The following ANKRD66 variants were observed in gnomAD, a reference collection of about 807,000 sequenced individuals.
ANKRD66 encodes the protein ankyrin repeat domain 66.
In ANKRD66, 10 loss-of-function variants were observed where a neutral mutation model predicts 10.9. The observed-to-expected ratio is 0.91, with a 90% CI of 0.56 to 1.55. The LOEUF (loss-of-function observed/expected upper bound fraction) is 1.55. ANKRD66 is among the 40% of genes most tolerant of loss of function. ANKRD66 has a pLI of 0.00. For synonymous variants in ANKRD66, 85 were observed against 88.4 expected (o/e 0.96, Z 0.22); for missense variants, 252 against 242.9 (o/e 1.04, Z -0.25).
intron 3 of ANKRD66, 89 bp from the exon 4 acceptor site, chr6:46,753,633 C>T (rs1246865191): frequency 1.6e-5 from 21 of 1,284,768 alleles, no homozygotes; most frequent in African/African-American, 3.0e-5. Context: ...GTTTCCCCTT[C>T]TATTGTGTTA....
chr6:46,749,527 C>T (rs1399356074), intron 1 of ANKRD66, among the ~76,000 whole-genome samples: 1 of 128,162 alleles, frequency 7.8e-6, no homozygotes, highest in Non-Finnish European at 1.6e-5. Flanking sequence ...AGACTCTTGG[C>T]ATAATTTTTT....
chr6:46,749,903 C>A lies in ANKRD66; in HGVS notation c.-89C>A. On this transcript the variant is annotated 5_prime_UTR_variant, in exon 2 of 5. Transcript: ENST00000565422. Reference sequence around the variant, plus strand: ...TTCTTTCTCTCCCTCCAGGGCTGTTCTCACATTTCAATGCACTCACCTGGA... The same window carrying A: ...TTCTTTCTCTCCCTCCAGGGCTGTTATCACATTTCAATGCACTCACCTGGA... 6.4e-7 allele frequency: 1 copy of A among 1,550,602 alleles called. No individual in the cohort carries two copies. The highest frequency in any genetic ancestry group is 1.7e-4 in the Middle Eastern group (1 of 5,990).
At chr6:46,750,437 C>G (rs951934869) in intron 2 of ANKRD66, among the ~76,000 whole-genome samples, 2 of 151,850 alleles carry the variant, frequency 1.3e-5, no homozygotes, top group South Asian at 4.1e-4. Context: ...TAGGTTTACT[C>G]TCCCCTGCCC....
intron 4 of ANKRD66, among the ~76,000 whole-genome samples, chr6:46,755,871 T>C (rs1562091779): frequency 1.3e-5 from 2 of 152,206 alleles, no homozygotes; most frequent in African/African-American, 4.8e-5. Flanking sequence ...ATAACTTGTG[T>C]AAAAAATATA....
chr6:46,750,751 G>A lies in ANKRD66; in HGVS notation c.-13+772G>A, dbSNP rs182533226. ...ATATTATATATATAAAGTTGGAAAA[G>A]GGAGGAATATTTTCAGATAATTGTG... On this transcript the variant is annotated intron_variant, in intron 2 of 4. Transcript: ENST00000565422. Among the ~76,000 whole-genome samples, 1,145 of 150,244 alleles carry A rather than the reference G, an allele frequency of 7.6e-3. 13 individuals are homozygous for A. The highest frequency in any genetic ancestry group is 0.026 in the African/African-American group (1,065 of 41,162).
chr6:46,750,936 C>T (rs1429499202), intron 2 of ANKRD66, among the ~76,000 whole-genome samples: 1 of 152,060 alleles, frequency 6.6e-6, no homozygotes, highest in Non-Finnish European at 1.5e-5. Context: ...GATTTTGTAA[C>T]ATTCTATCTT....
At chr6:46,751,696 C>T (rs1042888438) in intron 2 of ANKRD66, among the ~76,000 whole-genome samples, 4 of 152,080 alleles carry the variant, frequency 2.6e-5, no homozygotes, top group African/African-American at 7.2e-5. Flanking sequence ...CCAGGTAGCC[C>T]GTGAGTTTAG....
Position 46,756,172 on chromosome 6 carries a change from T to A in ANKRD66, c.392+2222T>A, listed in dbSNP as rs551747109. The A allele has an allele frequency of 2.2e-4, 86 of 382,440 alleles. No homozygotes were observed. In the Admixed American group the frequency reaches 3.1e-3, roughly 14 times the overall value. 23.7% of individuals were successfully genotyped at this position (382,440 alleles called of 1,614,324 possible). On this transcript the variant is annotated intron_variant, in intron 4 of 4. Transcript: ENST00000565422. ...ATCTAAGATCATGGTAAACATTAGGTCCTAAAATCTTGGGGAAGGACAACA... is the reference window on the plus strand; with the variant it reads ...ATCTAAGATCATGGTAAACATTAGGACCTAAAATCTTGGGGAAGGACAACA...
intron 4 of ANKRD66, 46 bp downstream of exon 4, chr6:46,753,996 A>G: frequency 6.8e-7 from 1 of 1,480,774 alleles, no homozygotes; most frequent in South Asian, 1.3e-5. Flanking sequence ...GAGGAACAGG[A>G]GTCTGTGATC....
chr6:46,749,622 A>G (rs1010979882), intron 1 of ANKRD66, among the ~76,000 whole-genome samples: 2 of 127,308 alleles, frequency 1.6e-5, no homozygotes, highest in Non-Finnish European at 3.1e-5. Flanking sequence ...TCTTTACAGA[A>G]AAAGTTTATT....
intron 4 of ANKRD66, among the ~76,000 whole-genome samples, chr6:46,754,327 T>C (rs1264340113): frequency 6.6e-6 from 1 of 152,184 alleles, no homozygotes; most frequent in Non-Finnish European, 1.5e-5. Context: ...AGTTTTCTCA[T>C]ATTTAAAACG....
intron 1 of ANKRD66, 32 bp downstream of exon 1, chr6:46,747,022 A>G (rs1246021410): frequency 6.5e-7 from 1 of 1,528,894 alleles, no homozygotes; most frequent in Non-Finnish European, 8.8e-7. Context: ...TCTCTTATTT[A>G]CTATAGTTAT....
Position 46,749,342 on chromosome 6 carries a change from A to G in ANKRD66, c.-96-554A>G, listed in dbSNP as rs556755854. Among the ~76,000 whole-genome samples the G allele has an allele frequency of 1.4e-4, 21 of 152,254 alleles. 1 individual carries two copies. In the South Asian group the frequency reaches 4.1e-3, roughly 30 times the overall value. On this transcript the variant is annotated intron_variant, in intron 1 of 4. Transcript: ENST00000565422. The stretch of plus-strand genomic sequence containing the variant: ...AGTTCACTGGGATCTGAGCATCACT[A>G]GGGCAGAGTGAAACTGACCATCTCA...
chr6:46,756,705 C>T (rs754154729), intron 4 of ANKRD66: 2 of 152,206 alleles, frequency 1.3e-5, no homozygotes, highest in Non-Finnish European at 2.9e-5. Context: ...GAGCTCCTCA[C>T]GCTAAATCAA....
rs996258889 is a variant in ANKRD66, at chr6:46,758,814, A to C, written c.484A>C (p.Arg162=). ...ERDEDWDAKK[R]ELELSLPSLN... is the part of the protein sequence containing the mutation. ...TGATGAAGACTGGGATGCCAAGAAA[A>C]GGGAGCTGGAGCTGTCTCTTCCTTC... The change falls in exon 5 of 5, where the codon AGG becomes CGG. Residue 162 remains arginine (R), a synonymous_variant. Coordinates refer to ENST00000565422, the MANE Select transcript of ANKRD66 (RefSeq NM_001162435.3). 1.9e-6 allele frequency: 3 copies of C among 1,551,446 alleles called. No homozygotes were observed. Among genetic ancestry groups the C allele is most frequent in the Non-Finnish European group, 2.6e-6 (3 of 1,146,898 alleles).
At chr6:46,747,386 G>T (rs745458379) in intron 1 of ANKRD66, among the ~76,000 whole-genome samples, 1 of 152,150 alleles carries the variant, frequency 6.6e-6, no homozygotes, top group South Asian at 2.1e-4. Flanking sequence ...AGTTGTGAAA[G>T]CATCTAATCT....
chr6:46,755,114 ACTAAATTTCCT>A (rs1766357519), intron 4 of ANKRD66, among the ~76,000 whole-genome samples: 1 of 152,154 alleles, frequency 6.6e-6, no homozygotes. Flanking sequence ...TGAAGGTCTC[ACTAAATTTCCT>A]CTACCATATG....
intron 4 of ANKRD66, chr6:46,757,648 T>A (rs1766408543): frequency 6.6e-6 from 1 of 152,146 alleles, no homozygotes; most frequent in Admixed American, 6.5e-5. Context: ...ATAAAGGATA[T>A]AAGAGAACTT....
chr6:46,755,672 A>C (rs1562091729), intron 4 of ANKRD66, among the ~76,000 whole-genome samples: 1 of 152,010 alleles, frequency 6.6e-6, no homozygotes, highest in East Asian at 1.9e-4. Flanking sequence ...CTTTCCCTTG[A>C]CTTCTTTTTG....
Sources: gnomAD v4.1 joint callset for allele counts (sites outside exome capture counted in the v4.1 genomes callset) on GRCh38, gnomAD v4.1.1 for gene constraint, MANE v1.5 for transcripts, NCBI Gene and HGNC (gene_info 2026-07-23, HGNC 2026-07-21) for gene names.